The following NRXN3 variants were observed in gnomAD, a reference collection of about 807,000 sequenced individuals.
The protein encoded by NRXN3 is neurexin III.
NRXN3 carries 32 observed loss-of-function variants against 137.6 expected under a neutral mutation model. The observed-to-expected ratio is 0.23, with a 90% CI of 0.18 to 0.31. NRXN3 has a LOEUF of 0.31. Among genes scored for constraint, NRXN3 ranks in the 10% least tolerant of loss-of-function variants. NRXN3 has a pLI of 1.00. For synonymous variants in NRXN3, 798 were observed against 784.5 expected (o/e 1.02, Z -0.29); for missense variants, 1,574 against 2,062.5 (o/e 0.76, Z 4.59).
intron 1 of NRXN3, among the ~76,000 whole-genome samples, chr14:78,216,087 G>A (rs1159095342): frequency 6.6e-6 from 1 of 152,070 alleles, no homozygotes; most frequent in Non-Finnish European, 1.5e-5. Flanking sequence ...TTATTTTTGC[G>A]GCCATTTTTC....
chr14:78,834,899 C>T (rs1005479885), intron 10 of NRXN3, among the ~76,000 whole-genome samples: 1 of 152,204 alleles, frequency 6.6e-6, no homozygotes, highest in South Asian at 2.1e-4. Flanking sequence ...AGAGGATGCT[C>T]CTTGAGAATT....
intron 4 of NRXN3, among the ~76,000 whole-genome samples, chr14:78,465,601 GATCTCGGCTCGCTGCAACCT>G (rs1220768747): frequency 2.6e-5 from 4 of 152,098 alleles, no homozygotes; most frequent in African/African-American, 9.7e-5. Flanking sequence ...GCAGTGGCGC[GATCTCGGCTCGCTGCAACCT>G]CTGCCTCCCA....
At chr14:79,808,158 A>G (rs2099216197) in intron 20 of NRXN3, among the ~76,000 whole-genome samples, 1 of 151,018 alleles carries the variant, frequency 6.6e-6, no homozygotes, top group Non-Finnish European at 1.5e-5. Context: ...AAGTGCTTGA[A>G]CCCGGGAGGC....
chr14:79,499,846 G>A (rs1306531286), intron 16 of NRXN3, among the ~76,000 whole-genome samples: 2 of 151,826 alleles, frequency 1.3e-5, no homozygotes, highest in Non-Finnish European at 2.9e-5. Flanking sequence ...TCATTTATTT[G>A]TTCATTTGTT....
At chr14:79,666,041 A>T (rs1376534440) in intron 17 of NRXN3, among the ~76,000 whole-genome samples, 1 of 152,090 alleles carries the variant, frequency 6.6e-6, no homozygotes, top group Non-Finnish European at 1.5e-5. Context: ...AAGACCTTGA[A>T]ATGTCCTAAG....
At chr14:78,229,256 C>T (rs1293258973) in intron 1 of NRXN3, among the ~76,000 whole-genome samples, 1 of 150,406 alleles carries the variant, frequency 6.6e-6, no homozygotes, top group Non-Finnish European at 1.5e-5. Flanking sequence ...TTTTAACTGT[C>T]TTATGTTTTG....
chr14:78,670,989 T>G (rs2097928331), intron 6 of NRXN3, among the ~76,000 whole-genome samples: 1 of 151,904 alleles, frequency 6.6e-6, no homozygotes, highest in Admixed American at 6.6e-5. Flanking sequence ...AGCAATAGAG[T>G]TAAATTAATT....
chr14:78,226,416 C>T (rs1333153719), intron 1 of NRXN3, among the ~76,000 whole-genome samples: 2 of 152,070 alleles, frequency 1.3e-5, no homozygotes, highest in Admixed American at 6.6e-5. Context: ...CACCTTTCTG[C>T]GTATATTAAA....
intron 15 of NRXN3, among the ~76,000 whole-genome samples, chr14:78,994,528 T>C (rs1408373598): frequency 1.3e-5 from 2 of 152,236 alleles, no homozygotes; most frequent in Non-Finnish European, 2.9e-5. Context: ...TCTGGATTTA[T>C]TTCATTGAGT....
In NRXN3 at chr14:79,853,399, T is replaced by C. The variant is rs148829359; in HGVS notation, c.4094-7943T>C. On this transcript the variant is annotated intron_variant, in intron 20 of 20. Coordinates refer to ENST00000335750, the MANE Select transcript of NRXN3 (RefSeq NM_001330195.2). The stretch of plus-strand genomic sequence containing the variant: ...AAAATCTTTAATGAAACTGTAATAA[T>C]TTTTGGAGTAATTGCATGTTGAAGA... The C allele has an allele frequency of 4.8e-4, 101 of 208,678 alleles. No individual in the cohort carries two copies. The East Asian group carries it at 0.013, about 27-fold the overall frequency. The allele number at this position is 208,678 out of a possible 1,614,324, so 12.9% of individuals were successfully genotyped here. A position where few individuals can be genotyped will look rare whatever the true frequency, so the allele number is the denominator to read the frequency against.
intron 15 of NRXN3, among the ~76,000 whole-genome samples, chr14:79,213,711 T>C (rs1325212240): frequency 6.6e-6 from 1 of 152,058 alleles, no homozygotes; most frequent in African/African-American, 2.4e-5. Context: ...TTCCGGGCCT[T>C]GATCTTCCTA....
At position 79,694,303 on chromosome 14, in the gene NRXN3, C is replaced by T. The variant is rs145095994; in HGVS notation, c.3706+2041C>T. Among the ~76,000 whole-genome samples the T allele has an allele frequency of 8.4e-4, 127 of 151,986 alleles. No individual in the cohort carries two copies. In the East Asian group the frequency reaches 0.016, roughly 19 times the overall value. Reference sequence around the variant, plus strand: ...GTGTTCTGAGGTTTAATTAATTAGTCTTTGTGCAACACTGACTGGAGACAT... The same window carrying T: ...GTGTTCTGAGGTTTAATTAATTAGTTTTTGTGCAACACTGACTGGAGACAT... On this transcript the variant is annotated intron_variant, in intron 18 of 20. Coordinates refer to ENST00000335750, the MANE Select transcript of NRXN3 (RefSeq NM_001330195.2).
intron 4 of NRXN3, among the ~76,000 whole-genome samples, chr14:78,567,837 G>T (rs555087525): frequency 6.6e-6 from 1 of 152,198 alleles, no homozygotes; most frequent in East Asian, 1.9e-4. Flanking sequence ...GAGTGACACT[G>T]GGACTTATAA....
intron 15 of NRXN3, among the ~76,000 whole-genome samples, chr14:79,087,096 G>T (rs2048272990): frequency 6.6e-6 from 1 of 152,162 alleles, no homozygotes; most frequent in Admixed American, 6.5e-5. Context: ...TGTCTACGAG[G>T]AACATCTGAT....
chr14:79,124,076 G>T (rs576494800), intron 15 of NRXN3, among the ~76,000 whole-genome samples: 1 of 152,182 alleles, frequency 6.6e-6, no homozygotes, highest in South Asian at 2.1e-4. Context: ...CAAAACTTCT[G>T]CTCACAGCTC....
intron 19 of NRXN3, among the ~76,000 whole-genome samples, chr14:79,789,175 C>G (rs1055277711): frequency 3.9e-5 from 6 of 151,990 alleles, no homozygotes; most frequent in Non-Finnish European, 5.9e-5. Context: ...ATATTTTTAT[C>G]CTGGAAGTAC....
chr14:78,611,718 T>C (rs926225181), intron 4 of NRXN3, among the ~76,000 whole-genome samples: 11 of 152,340 alleles, frequency 7.2e-5, no homozygotes, highest in African/African-American at 2.6e-4. Flanking sequence ...CTTTCCTTTC[T>C]ACGACATGAA....
chr14:78,454,789 A>C (rs1181092648), intron 4 of NRXN3, among the ~76,000 whole-genome samples: 1 of 152,158 alleles, frequency 6.6e-6, no homozygotes, highest in Non-Finnish European at 1.5e-5. Flanking sequence ...TGTCTGGCAG[A>C]GGGAACAGGA....
chr14:79,667,211 C>A (rs937033802), intron 17 of NRXN3, among the ~76,000 whole-genome samples: 1 of 152,044 alleles, frequency 6.6e-6, no homozygotes, highest in African/African-American at 2.4e-5. Context: ...AAAATGTGTC[C>A]TTTTGTTTTC....
Sources: allele counts gnomAD v4.1 joint callset (sites outside exome capture counted in the v4.1 genomes callset), GRCh38; gene constraint gnomAD v4.1.1; transcripts MANE v1.5; gene names NCBI Gene and HGNC (gene_info 2026-07-23, HGNC 2026-07-21).